Variants in SEMA6D observed in about 807,000 individuals in gnomAD.
The protein encoded by SEMA6D is semaphorin 6D.
A neutral mutation model predicts 106.6 loss-of-function variants in SEMA6D; 35 were observed. The ratio of observed to expected loss-of-function variants is 0.33; its 90% confidence interval spans 0.25 to 0.44. The LOEUF is 0.44. Among genes scored for constraint, SEMA6D ranks in the 20% least tolerant of loss-of-function variants. The probability of loss-of-function intolerance (pLI) is 1.00; values close to 1 mark genes in which losing one functional copy is unlikely to be tolerated. For missense variants in SEMA6D, 1,185 were observed against 1,345.9 expected (o/e 0.88, Z 1.87); for synonymous variants, 499 against 487.7 (o/e 1.02, Z -0.31).
intron 1 of SEMA6D, among the ~76,000 whole-genome samples, chr15:47,390,623 C>G (rs768553072): frequency 2.6e-5 from 4 of 152,090 alleles, no homozygotes; most frequent in Non-Finnish European, 4.4e-5. Flanking sequence ...TTTCATACCT[C>G]AAGACATTTG....
chr15:47,303,473 C>G (rs2036103587), intron 1 of SEMA6D, among the ~76,000 whole-genome samples: 1 of 152,172 alleles, frequency 6.6e-6, no homozygotes, highest in Non-Finnish European at 1.5e-5. Flanking sequence ...GGCTCCTCCT[C>G]ATCAACCTAT....
At chr15:47,283,936 A>C (rs935128354) in intron 1 of SEMA6D, among the ~76,000 whole-genome samples, 2 of 152,008 alleles carry the variant, frequency 1.3e-5, no homozygotes, top group African/African-American at 4.8e-5. Context: ...TATAACCTCC[A>C]TTTCTATTTG....
At chr15:47,719,243 A>T (rs1407833650) in intron 1 of SEMA6D, among the ~76,000 whole-genome samples, 1 of 152,148 alleles carries the variant, frequency 6.6e-6, no homozygotes, top group Non-Finnish European at 1.5e-5. Context: ...TGGGGTGACC[A>T]TTCGGTAACT....
intron 1 of SEMA6D, among the ~76,000 whole-genome samples, chr15:47,255,862 C>T (rs2033779852): frequency 1.3e-5 from 2 of 152,034 alleles, no homozygotes; most frequent in African/African-American, 4.8e-5. Context: ...GTTAATTTTT[C>T]TGTAAAGTTT....
intron 4 of SEMA6D, among the ~76,000 whole-genome samples, chr15:47,664,028 A>T (rs1226182684): frequency 6.6e-6 from 1 of 152,232 alleles, no homozygotes; most frequent in Non-Finnish European, 1.5e-5. Context: ...TCTTCTTATG[A>T]ATAAAAAATC....
intron 2 of SEMA6D, 149 bp downstream of exon 2, chr15:47,760,056 G>C (rs2081976481): frequency 2.9e-6 from 2 of 699,482 alleles, no homozygotes; most frequent in South Asian, 3.8e-5. Flanking sequence ...TCATTTCCTA[G>C]TGTTTGGAGA....
At chr15:47,519,991 A>G (rs149682212) in intron 3 of SEMA6D, among the ~76,000 whole-genome samples, 234 of 152,284 alleles carry the variant, frequency 1.5e-3, no homozygotes, top group African/African-American at 5.2e-3. Flanking sequence ...ATCTTTCCTC[A>G]TGCAGCCGAT....
chr15:47,598,597 G>T (rs1413976446), intron 3 of SEMA6D, among the ~76,000 whole-genome samples: 3 of 152,166 alleles, frequency 2.0e-5, no homozygotes, highest in Non-Finnish European at 4.4e-5. Flanking sequence ...TCATCTCTCT[G>T]CATAAAAGCG....
At chr15:47,495,862 C>T (rs1247485073) in intron 3 of SEMA6D, among the ~76,000 whole-genome samples, 2 of 151,898 alleles carry the variant, frequency 1.3e-5, no homozygotes, top group African/African-American at 2.4e-5. Flanking sequence ...TTAAAAGGTG[C>T]CCTTCATTGA....
At chr15:47,646,732 A>T (rs1346232939) in intron 4 of SEMA6D, among the ~76,000 whole-genome samples, 1 of 152,200 alleles carries the variant, frequency 6.6e-6, no homozygotes, top group East Asian at 1.9e-4. Context: ...AGTGGAAGGA[A>T]ATGACTGCTT....
chr15:47,615,151 A>G (rs1561044), intron 4 of SEMA6D, among the ~76,000 whole-genome samples: 37,060 of 152,146 alleles, frequency 0.24, 5,384 homozygotes, highest in East Asian at 0.47. Flanking sequence ...GACCAACCAC[A>G]GGTCAAAAAT....
chr15:47,293,950 G>A (rs1466448926), intron 1 of SEMA6D, among the ~76,000 whole-genome samples: 2 of 152,152 alleles, frequency 1.3e-5, no homozygotes, highest in East Asian at 1.9e-4. Context: ...CAAGTTGCTT[G>A]TGGTGTCATT....
chr15:47,221,389 C>G (rs1203922810), intron 1 of SEMA6D, among the ~76,000 whole-genome samples: 5 of 152,178 alleles, frequency 3.3e-5, no homozygotes, highest in African/African-American at 1.2e-4. Flanking sequence ...TATTGCAACT[C>G]CCTCGGTGTT....
At chr15:47,521,754 G>C (rs1050596512) in intron 3 of SEMA6D, among the ~76,000 whole-genome samples, 2 of 152,180 alleles carry the variant, frequency 1.3e-5, no homozygotes, top group Non-Finnish European at 2.9e-5. Flanking sequence ...GGGAGGCCAA[G>C]GCGGGTGGAT....
At chr15:47,211,351 A>G (rs1028172948) in intron 1 of SEMA6D, among the ~76,000 whole-genome samples, 10 of 152,220 alleles carry the variant, frequency 6.6e-5, no homozygotes, top group African/African-American at 2.2e-4. Flanking sequence ...GTTCTGCTAT[A>G]AGATCTATCA....
intron 1 of SEMA6D, among the ~76,000 whole-genome samples, chr15:47,752,723 T>C (rs143025060): frequency 1.7e-4 from 26 of 150,896 alleles, no homozygotes; most frequent in African/African-American, 6.0e-4. Flanking sequence ...TTGCTTTAAA[T>C]TGGGGCTGGG....
chr15:47,242,804 C>T (rs573386751), intron 1 of SEMA6D, among the ~76,000 whole-genome samples: 4 of 152,180 alleles, frequency 2.6e-5, no homozygotes, highest in Admixed American at 2.6e-4. Context: ...AGAGGTGACT[C>T]TCATTAACAA....
At chr15:47,592,553 G>A (rs1337568496) in intron 3 of SEMA6D, among the ~76,000 whole-genome samples, 1 of 152,138 alleles carries the variant, frequency 6.6e-6, no homozygotes, top group Non-Finnish European at 1.5e-5. Context: ...CATGGCGTGA[G>A]TTTCTGTGAT....
chr15:47,549,610 C>T (rs906654656), intron 3 of SEMA6D, among the ~76,000 whole-genome samples: 27 of 151,960 alleles, frequency 1.8e-4, no homozygotes, highest in Non-Finnish European at 1.2e-4. Context: ...AGAATACAAA[C>T]ACATTTTCAC....
Sources: gnomAD v4.1 joint callset for allele counts (sites outside exome capture counted in the v4.1 genomes callset) on GRCh38, gnomAD v4.1.1 for gene constraint, MANE v1.5 for transcripts, NCBI Gene and HGNC (gene_info 2026-07-23, HGNC 2026-07-21) for gene names.